The following H6PD variants were observed in gnomAD, a reference collection of about 807,000 sequenced individuals.
The protein encoded by H6PD is GDH/6PGL endoplasmic bifunctional protein.
A neutral mutation model predicts 61.2 loss-of-function variants in H6PD; 48 were observed. The observed-to-expected ratio is 0.78, with a 90% CI of 0.62 to 1.00. H6PD has a LOEUF of 1.00. Among genes scored for constraint, H6PD ranks in the 50% least tolerant of loss-of-function variants. The pLI, the probability that H6PD is intolerant of heterozygous loss-of-function variation, is 0.00. For missense variants in H6PD, 1,093 were observed against 1,065.0 expected (o/e 1.03, Z -0.37); for synonymous variants, 480 against 457.9 (o/e 1.05, Z -0.62).
At chr1:9,260,801 A>G (rs1462114055) in intron 3 of H6PD, among the ~76,000 whole-genome samples, 1 of 151,972 alleles carries the variant, frequency 6.6e-6, no homozygotes, top group Non-Finnish European at 1.5e-5. Context: ...TTATCGTCAC[A>G]GTTACCCCGT....
intron 1 of H6PD, among the ~76,000 whole-genome samples, chr1:9,235,845 C>T (rs1442482488): frequency 6.6e-6 from 1 of 152,196 alleles, no homozygotes; most frequent in Non-Finnish European, 1.5e-5. Context: ...CTCCTGGGCT[C>T]AAGCGATCCT....
chr1:9,241,143 C>T (rs1469101788), intron 1 of H6PD, among the ~76,000 whole-genome samples: 2 of 152,180 alleles, frequency 1.3e-5, no homozygotes, highest in Non-Finnish European at 2.9e-5. Flanking sequence ...CAATGTTTTT[C>T]CTGAGAGCAA....
At chr1:9,260,983 ACCCAC>A (rs1638263203) in intron 3 of H6PD, among the ~76,000 whole-genome samples, 1 of 151,694 alleles carries the variant, frequency 6.6e-6, no homozygotes. Flanking sequence ...TTTTGCTCAC[ACCCAC>A]CCCATCTGTC....
chr1:9,251,715 C>A (rs1306644119), intron 3 of H6PD, among the ~76,000 whole-genome samples: 1 of 152,124 alleles, frequency 6.6e-6, no homozygotes. Flanking sequence ...CTTCCCGCCC[C>A]CTCTGCAGAG....
At chr1:9,240,501 A>G (rs1006124599) in intron 1 of H6PD, among the ~76,000 whole-genome samples, 1 of 151,920 alleles carries the variant, frequency 6.6e-6, no homozygotes, top group Non-Finnish European at 1.5e-5. Flanking sequence ...TCACCCTCCC[A>G]TTTCCTCGAT....
At chr1:9,243,880 A>AC (rs1314611397) in intron 1 of H6PD, among the ~76,000 whole-genome samples, 1 of 85,728 alleles carries the variant, frequency 1.2e-5, no homozygotes, top group Admixed American at 1.2e-4. Flanking sequence ...GGGCGGTGGG[A>AC]GGGGGGGTCT....
chr1:9,239,916 T>G (rs977902186), intron 1 of H6PD: 6 of 1,001,274 alleles, frequency 6.0e-6, no homozygotes, highest in Non-Finnish European at 7.7e-6. Flanking sequence ...TGGGGACAGC[T>G]GCACGCCTCT....
At chr1:9,259,592 GTGT>G (rs1641649106) in intron 3 of H6PD, among the ~76,000 whole-genome samples, 4 of 152,290 alleles carry the variant, frequency 2.6e-5, no homozygotes, top group Admixed American at 2.0e-4. Context: ...TGTCACACCA[GTGT>G]TGTTACGTTG....
chr1:9,258,439 CTGT>C (rs1463525880), intron 3 of H6PD, among the ~76,000 whole-genome samples: 2 of 151,954 alleles, frequency 1.3e-5, no homozygotes, highest in Non-Finnish European at 2.9e-5. Flanking sequence ...TGTTGTTATG[CTGT>C]TGTTACACCA....
At chr1:9,255,275 ATTTATTT>A (rs1345017660) in intron 3 of H6PD, among the ~76,000 whole-genome samples, 29 of 113,656 alleles carry the variant, frequency 2.6e-4, no homozygotes, top group Admixed American at 1.5e-3. Context: ...TTATTTATTT[ATTTATTT>A]TTTATTTTTT....
At position 9,264,827 on chromosome 1, in the gene H6PD, C is replaced by T; in HGVS notation, c.2334C>T (p.Gly778=). The change falls in exon 5 of 5, where the codon GGC becomes GGT. Residue 778 remains glycine, a synonymous_variant. Transcript: ENST00000377403. Reference sequence around the variant, plus strand: ...TCTCGGGTGTCCTGCCGCACTCCGGCCAGCTGGTGTGGTACATGGACTACG... The same window carrying T: ...TCTCGGGTGTCCTGCCGCACTCCGGTCAGCTGGTGTGGTACATGGACTACG... ...WPISGVLPHS[G]QLVWYMDYDA... is the part of the protein sequence containing the mutation. 6.2e-7 allele frequency: 1 copy of T among 1,612,622 alleles called. No homozygotes were observed. Among genetic ancestry groups the T allele is most frequent in the Non-Finnish European group, 8.5e-7 (1 of 1,180,016 alleles).
chr1:9,237,512 C>T (rs1251469807), intron 1 of H6PD, among the ~76,000 whole-genome samples: 1 of 152,124 alleles, frequency 6.6e-6, no homozygotes, highest in African/African-American at 2.4e-5. Flanking sequence ...GGATTATAGG[C>T]GTAAGCCACT....
In H6PD at chr1:9,263,527, A is replaced by G. The variant is rs200192570; in HGVS notation, c.1034A>G (p.Asp345Gly). The change falls in exon 5 of 5, where the codon GAC (aspartate) becomes GGC (glycine). Residue 345 changes from aspartate to glycine, a missense_variant. Coordinates refer to ENST00000377403, the MANE Select transcript of H6PD (RefSeq NM_004285.4). ...PTFAAVLVHI[D>G]NLRWEGVPFI... Reference sequence around the variant, plus strand: ...ACCCCAGCCGTCCTAGTGCACATTGACAACCTTCGCTGGGAGGGCGTGCCT... The same window carrying G: ...ACCCCAGCCGTCCTAGTGCACATTGGCAACCTTCGCTGGGAGGGCGTGCCT... 6.8e-6 allele frequency: 11 copies of G among 1,614,062 alleles called. No homozygotes were observed. The highest frequency in any genetic ancestry group is 9.3e-6 in the Non-Finnish European group (11 of 1,180,022).
chr1:9,243,737 A>G (rs1048261340), intron 1 of H6PD, among the ~76,000 whole-genome samples: 2 of 151,542 alleles, frequency 1.3e-5, no homozygotes, highest in Non-Finnish European at 2.9e-5. Context: ...GCTGAACACT[A>G]GCCCAGGTGG....
chr1:9,264,813 C>A lies in H6PD; in HGVS notation c.2320C>A (p.Leu774Met). The stretch of plus-strand genomic sequence containing the variant: ...CAAGAAGTGGCCCATCTCGGGTGTC[C>A]TGCCGCACTCCGGCCAGCTGGTGTG... ...EPKKWPISGVLPHSGQLVWYM... is the reference protein window; with the variant it reads ...EPKKWPISGVMPHSGQLVWYM... Residue 774 changes from leucine to methionine, a missense_variant, in exon 5 of 5, where the codon CTG (leucine) becomes ATG (methionine). Physicochemically the swap from Leu to Met is conservative, Grantham distance 15. Coordinates refer to ENST00000377403, the MANE Select transcript of H6PD (RefSeq NM_004285.4). 3 of 1,612,842 alleles carry A rather than the reference C, an allele frequency of 1.9e-6. No homozygotes were observed. The highest frequency in any genetic ancestry group is 2.5e-6 in the Non-Finnish European group (3 of 1,180,020).
intron 1 of H6PD, among the ~76,000 whole-genome samples, chr1:9,237,914 C>T (rs181808395): frequency 6.2e-4 from 95 of 152,208 alleles, no homozygotes; most frequent in Middle Eastern, 3.4e-3. Flanking sequence ...GGAGGTACTG[C>T]GGAGAACAAA....
Position 9,244,529 on chromosome 1 carries a change from A to C in H6PD, c.-10-396A>C, listed in dbSNP as rs1053378618. Among the ~76,000 whole-genome samples the C allele has an allele frequency of 2.0e-5, 3 of 152,198 alleles. No homozygotes were observed. The South Asian group carries it at 6.2e-4, about 31-fold the overall frequency. The stretch of plus-strand genomic sequence containing the variant: ...CGCCTGAGGACCTGCCACTATACCT[A>C]GGCTGGGGCTGCCCTGCTTGTCCGG... On this transcript the variant is annotated intron_variant, in intron 1 of 4. Coordinates refer to ENST00000377403, the MANE Select transcript of H6PD (RefSeq NM_004285.4).
In H6PD at chr1:9,246,189, T is replaced by C. The variant is rs537293975; in HGVS notation, c.627+628T>C. ...AAAATCCTGACTTCAAGTGATCCGC[T>C]CACTTCGGCCTCCCAAAGTGCTGGG... On this transcript the variant is annotated intron_variant, in intron 2 of 4. Transcript: ENST00000377403. 2.0e-5 allele frequency among the ~76,000 whole-genome samples: 3 copies of C among 152,266 alleles called. No individual in the cohort carries two copies. The East Asian group carries it at 5.8e-4, about 29-fold the overall frequency.
chr1:9,260,080 T>G (rs1055633557), intron 3 of H6PD, among the ~76,000 whole-genome samples: 4 of 152,016 alleles, frequency 2.6e-5, no homozygotes, highest in African/African-American at 9.7e-5. Context: ...TGTTGTTACG[T>G]TGCTGTTGTT....
Sources: allele counts gnomAD v4.1 joint callset (sites outside exome capture counted in the v4.1 genomes callset), GRCh38; gene constraint gnomAD v4.1.1; transcripts MANE v1.5; gene names NCBI Gene and HGNC (gene_info 2026-07-23, HGNC 2026-07-21).